Variants in PLEKHG1 observed in about 807,000 individuals in gnomAD.
PLEKHG1 encodes pleckstrin homology and RhoGEF domain containing G1.
Under a neutral mutation model 100.8 loss-of-function variants are expected in PLEKHG1, and 44 were observed. That is an observed-to-expected ratio of 0.44 (90% CI 0.34 to 0.56). The LOEUF (loss-of-function observed/expected upper bound fraction) is 0.56, where lower values mean the gene tolerates loss of function less well. Among genes scored for constraint, PLEKHG1 ranks in the 20% least tolerant of loss-of-function variants. The pLI, the probability that PLEKHG1 is intolerant of heterozygous loss-of-function variation, is 0.01. For synonymous variants in PLEKHG1, 640 were observed against 662.5 expected (o/e 0.97, Z 0.52); for missense variants, 1,545 against 1,720.9 (o/e 0.90, Z 1.81).
chr6:150,733,569 CT>C lies in PLEKHG1; in HGVS notation c.-98-12del. The C allele has an allele frequency of 6.3e-7, 1 of 1,583,068 alleles. No homozygotes were observed. Among genetic ancestry groups the C allele is most frequent in the South Asian group, 1.2e-5 (1 of 86,886 alleles). On this transcript the variant is annotated splice_polypyrimidine_tract_variant and intron_variant, in intron 1 of 15. Transcript: ENST00000358517. ...TTGCTTATCTTGTCCTTTTTATTTTCTTTAATGCATATAGATGGGCACCAGT... is the reference window on the plus strand; with the variant it reads ...TTGCTTATCTTGTCCTTTTTATTTTCTTAATGCATATAGATGGGCACCAGT...
chr6:150,780,522 T>A (rs1346911618), intron 3 of PLEKHG1, among the ~76,000 whole-genome samples: 2 of 152,234 alleles, frequency 1.3e-5, no homozygotes, highest in Non-Finnish European at 1.5e-5. Flanking sequence ...GTGAGAATAC[T>A]GGACAGTGGC....
At chr6:150,701,709 G>A (rs1239903949) in intron 3 of PLEKHG1, among the ~76,000 whole-genome samples, 1 of 149,576 alleles carries the variant, frequency 6.7e-6, no homozygotes, top group East Asian at 2.0e-4. Flanking sequence ...CTAGTGATGG[G>A]GATGTATGTG....
intron 1 of PLEKHG1, among the ~76,000 whole-genome samples, chr6:150,623,281 A>C (rs1481135264): frequency 2.6e-5 from 4 of 152,228 alleles, no homozygotes; most frequent in African/African-American, 9.6e-5. Context: ...TTGCAAGTTA[A>C]ATAACCTTGG....
intron 1 of PLEKHG1, among the ~76,000 whole-genome samples, chr6:150,602,234 C>A (rs1430981158): frequency 6.6e-6 from 1 of 152,152 alleles, no homozygotes; most frequent in African/African-American, 2.4e-5. Context: ...TTGCAGATTT[C>A]TTTTCCTCTC....
chr6:150,654,066 T>C (rs1778862911), intron 3 of PLEKHG1, among the ~76,000 whole-genome samples: 1 of 152,192 alleles, frequency 6.6e-6, no homozygotes, highest in Admixed American at 6.5e-5. Flanking sequence ...CTGTGTGCCT[T>C]CTTGTCCAGG....
chr6:150,728,901 A>G (rs982236031), intron 1 of PLEKHG1, among the ~76,000 whole-genome samples: 3 of 152,220 alleles, frequency 2.0e-5, no homozygotes, highest in Non-Finnish European at 2.9e-5. Context: ...TGTCTCAAAA[A>G]AGAAAAAAAA....
At chr6:150,717,934 T>C (rs183964696), upstream of PLEKHG1, among the ~76,000 whole-genome samples, 1 of 152,066 alleles carries the variant, frequency 6.6e-6, no homozygotes, top group African/African-American at 2.4e-5. Flanking sequence ...AAAAATTAGC[T>C]GGGTGTGGTG....
At chr6:150,830,806 A>G (rs778876058) in exon 15 of PLEKHG1, 1 of 1,614,096 alleles carries the variant, frequency 6.2e-7, no homozygotes, top group Non-Finnish European at 8.5e-7. Context: ...TCGTGCCGTC[A>G]TTTTCCTCCT....
exon 2 of PLEKHG1, chr6:150,733,971 G>A (rs972414910): frequency 3.0e-5 from 49 of 1,614,164 alleles, no homozygotes; most frequent in Non-Finnish European, 4.2e-5. Flanking sequence ...GACTCAAACG[G>A]GGCACCCAAG....
intron 3 of PLEKHG1, among the ~76,000 whole-genome samples, chr6:150,779,484 T>G (rs1268521299): frequency 1.3e-5 from 2 of 151,834 alleles, no homozygotes; most frequent in East Asian, 3.9e-4. Context: ...TAGCTGGGCT[T>G]ACAGGCACCT....
Position 150,831,348 on chromosome 6 carries a change from G to A in PLEKHG1, c.2237G>A (p.Gly746Glu). The stretch of plus-strand genomic sequence containing the variant: ...GAGGAGAACATCTATGACACCATAG[G>A]GCTCCCAGATCCTCCGTCGCTGGGT... The change falls in exon 15 of 16, where the codon GGG becomes GAG. Residue 746 changes from glycine to glutamate, a missense_variant. Gly to Glu is a moderately conservative substitution (Grantham distance 98). Transcript: ENST00000358517. This position sits in a 1 kb window ranked among gnomAD's most constrained non-coding sequence, Gnocchi z 4.1. 6.2e-7 allele frequency: 1 copy of A among 1,614,070 alleles called. No homozygotes were observed. The highest frequency in any genetic ancestry group is 8.5e-7 in the Non-Finnish European group (1 of 1,180,014).
intron 2 of PLEKHG1, among the ~76,000 whole-genome samples, chr6:150,649,855 CAA>C (rs1191118135): frequency 5.3e-5 from 8 of 150,458 alleles, no homozygotes; most frequent in East Asian, 2.0e-4. Flanking sequence ...ACTAAAAATA[CAA>C]AAAAATTAGC....
chr6:150,675,598 T>C (rs1779727078), intron 3 of PLEKHG1, among the ~76,000 whole-genome samples: 1 of 152,256 alleles, frequency 6.6e-6, no homozygotes, highest in African/African-American at 2.4e-5. Context: ...TTTTTGTTTT[T>C]GAGACGGAGT....
intron 3 of PLEKHG1, among the ~76,000 whole-genome samples, chr6:150,712,106 G>A (rs1461115844): frequency 6.6e-6 from 1 of 152,194 alleles, no homozygotes; most frequent in Non-Finnish European, 1.5e-5. Context: ...ACAGTGGGAA[G>A]CCTTAGCCAC....
At chr6:150,656,475 T>C (rs1467341366) in intron 3 of PLEKHG1, among the ~76,000 whole-genome samples, 1 of 152,006 alleles carries the variant, frequency 6.6e-6, no homozygotes, top group Admixed American at 6.6e-5. Context: ...AGTTTGGGAT[T>C]TCAGTAAGGT....
At chr6:150,742,615 C>T (rs1484261911) in intron 2 of PLEKHG1, among the ~76,000 whole-genome samples, 1 of 146,564 alleles carries the variant, frequency 6.8e-6, no homozygotes, top group African/African-American at 2.5e-5. Context: ...GGCCCGCACA[C>T]TCAACCAGAT....
intron 2 of PLEKHG1, among the ~76,000 whole-genome samples, chr6:150,742,107 A>G (rs1340976844): frequency 2.6e-5 from 4 of 152,250 alleles, no homozygotes; most frequent in African/African-American, 7.2e-5. Flanking sequence ...TTGTGTTGCT[A>G]TAAAGAAATA....
intron 1 of PLEKHG1, among the ~76,000 whole-genome samples, chr6:150,606,941 C>T (rs1422994558): frequency 6.6e-6 from 1 of 152,092 alleles, no homozygotes; most frequent in East Asian, 1.9e-4. Context: ...CCCCTTCCTG[C>T]ACCCTGTCTG....
At chr6:150,815,322 T>C (rs995837896) in intron 10 of PLEKHG1, among the ~76,000 whole-genome samples, 5 of 152,146 alleles carry the variant, frequency 3.3e-5, no homozygotes, top group Non-Finnish European at 5.9e-5. Context: ...GGCTGACACC[T>C]AGTGGAAATC....
Sources: allele counts gnomAD v4.1 joint callset (sites outside exome capture counted in the v4.1 genomes callset), GRCh38; gene constraint gnomAD v4.1.1; non-coding constraint Gnocchi (gnomAD v3.1); transcripts MANE v1.5; gene names NCBI Gene and HGNC (gene_info 2026-07-23, HGNC 2026-07-21).